CDH11: variants seen among roughly 807,000 people sequenced by gnomAD.
CDH11 encodes cadherin-11.
In CDH11, 11 loss-of-function variants were observed where a neutral mutation model predicts 67.8. That is an observed-to-expected ratio of 0.16 (90% CI 0.10 to 0.27). The LOEUF is 0.27. CDH11 is among the 10% of genes least tolerant of loss of function. CDH11 has a pLI of 1.00. For synonymous variants in CDH11, 419 were observed against 400.0 expected, an observed-to-expected ratio of 1.05 and a Z score of -0.57; for missense variants, 847 against 1,031.2, an observed-to-expected ratio of 0.82 and a Z score of 2.45.
chr16:65,030,950 C>A (rs1442924347), intron 2 of CDH11, among the ~76,000 whole-genome samples: 1 of 152,140 alleles, frequency 6.6e-6, no homozygotes, highest in African/African-American at 2.4e-5. Flanking sequence ...GTAGAATAGG[C>A]CCTTCAGTAT....
At chr16:65,115,014 C>T (rs1055458355) in intron 1 of CDH11, among the ~76,000 whole-genome samples, 1 of 152,252 alleles carries the variant, frequency 6.6e-6, no homozygotes, top group East Asian at 1.9e-4. Context: ...GAAATGGAGA[C>T]GATTTATCAA....
intron 1 of CDH11, among the ~76,000 whole-genome samples, chr16:65,116,830 C>A (rs1438718790): frequency 6.6e-6 from 1 of 152,098 alleles, no homozygotes; most frequent in Non-Finnish European, 1.5e-5. Context: ...CTCTCTCATA[C>A]TTTTGAGTTT....
At chr16:64,969,240 CA>C in intron 11 of CDH11, among the ~76,000 whole-genome samples, 1 of 152,208 alleles carries the variant, frequency 6.6e-6, no homozygotes, top group South Asian at 2.1e-4. Flanking sequence ...AGGTTAACAG[CA>C]ACTAAATATG....
At chr16:64,981,051 G>T (rs1220490976) in intron 8 of CDH11, 2 of 153,882 alleles carry the variant, frequency 1.3e-5, no homozygotes. Context: ...GGATGAAGAG[G>T]AAAGTGGAGA....
At chr16:64,951,104 T>C in intron 11 of CDH11, 86 bp from the exon 12 acceptor site, 2 of 1,325,440 alleles carry the variant, frequency 1.5e-6, no homozygotes, top group African/African-American at 1.4e-5. Flanking sequence ...TTGAGGGCAC[T>C]CTCTTATCAT....
At chr16:65,066,722 T>C (rs1034747249) in intron 1 of CDH11, among the ~76,000 whole-genome samples, 1 of 152,252 alleles carries the variant, frequency 6.6e-6, no homozygotes, top group African/African-American at 2.4e-5. Flanking sequence ...GAACATTTTG[T>C]TGTTTTAAGA....
At chr16:65,011,835 A>T (rs2073190586) in intron 2 of CDH11, among the ~76,000 whole-genome samples, 1 of 152,242 alleles carries the variant, frequency 6.6e-6, no homozygotes, top group African/African-American at 2.4e-5. Context: ...AGGGAAGATT[A>T]GAGCAAAGTG....
chr16:65,042,817 C>T (rs760441449), intron 2 of CDH11, among the ~76,000 whole-genome samples: 4 of 152,176 alleles, frequency 2.6e-5, no homozygotes, highest in African/African-American at 7.2e-5. Context: ...CCTGAATCCT[C>T]CCTCTCCAAA....
At chr16:65,027,283 A>AT (rs2073553039) in intron 2 of CDH11, among the ~76,000 whole-genome samples, 1 of 152,224 alleles carries the variant, frequency 6.6e-6, no homozygotes, top group South Asian at 2.1e-4. Context: ...ACTTTGCTCC[A>AT]TTTTTAGAGC....
chr16:65,070,154 T>A (rs868259983), intron 1 of CDH11, among the ~76,000 whole-genome samples: 4 of 152,212 alleles, frequency 2.6e-5, no homozygotes, highest in Non-Finnish European at 5.9e-5. Context: ...AATCAAGAGG[T>A]AAGTAAGTTT....
chr16:65,086,415 T>C (rs1188070603), intron 1 of CDH11, among the ~76,000 whole-genome samples: 1 of 152,212 alleles, frequency 6.6e-6, no homozygotes, highest in Non-Finnish European at 1.5e-5. Context: ...TATCCTCAGA[T>C]GATACTGAAA....
chr16:64,996,524 C>T (rs1253360128), intron 4 of CDH11, among the ~76,000 whole-genome samples: 1 of 151,628 alleles, frequency 6.6e-6, no homozygotes, highest in African/African-American at 2.4e-5. Flanking sequence ...CAATTCAACC[C>T]AGCAATCCCA....
intron 1 of CDH11, among the ~76,000 whole-genome samples, chr16:65,077,273 A>G (rs151306425): frequency 1.1e-4 from 17 of 152,344 alleles, no homozygotes; most frequent in Non-Finnish European, 2.4e-4. Flanking sequence ...AGGAAAAAAA[A>G]GTGAGTATAA....
intron 2 of CDH11, among the ~76,000 whole-genome samples, chr16:65,045,879 C>A (rs989349917): frequency 2.6e-5 from 4 of 152,076 alleles, no homozygotes; most frequent in African/African-American, 9.7e-5. Flanking sequence ...AAGGAGCATG[C>A]ACATGTCTTG....
intron 11 of CDH11, among the ~76,000 whole-genome samples, chr16:64,966,128 T>C (rs2071819868): frequency 6.6e-6 from 1 of 152,200 alleles, no homozygotes; most frequent in Middle Eastern, 3.4e-3. Flanking sequence ...TAAAAATTAC[T>C]TTATAATATC....
chr16:65,045,071 A>C (rs1597128688), intron 2 of CDH11, among the ~76,000 whole-genome samples: 1 of 151,576 alleles, frequency 6.6e-6, no homozygotes, highest in Admixed American at 6.6e-5. Flanking sequence ...GCAAGATAAA[A>C]CCACACAAAG....
At chr16:64,994,969 A>G (rs1174235183) in intron 4 of CDH11, among the ~76,000 whole-genome samples, 1 of 152,178 alleles carries the variant, frequency 6.6e-6, no homozygotes, top group East Asian at 1.9e-4. Flanking sequence ...AAGGGCCACA[A>G]AACAATAAAA....
At chr16:65,117,580 A>G (rs1318981222) in intron 1 of CDH11, among the ~76,000 whole-genome samples, 1 of 152,228 alleles carries the variant, frequency 6.6e-6, no homozygotes, top group African/African-American at 2.4e-5. Context: ...TTTCACAACA[A>G]TATCAAGAAT....
chr16:65,070,735 T>C (rs1056942100), intron 1 of CDH11, among the ~76,000 whole-genome samples: 1 of 152,232 alleles, frequency 6.6e-6, no homozygotes, highest in Admixed American at 6.5e-5. Flanking sequence ...AATAAATAAA[T>C]GTTAACTCTG....
Sources: allele counts gnomAD v4.1 joint callset (sites outside exome capture counted in the v4.1 genomes callset), GRCh38; gene constraint gnomAD v4.1.1; transcripts MANE v1.5; gene names NCBI Gene and HGNC (gene_info 2026-07-23, HGNC 2026-07-21).